TPTE: variants seen among roughly 807,000 people sequenced by gnomAD.
The protein encoded by TPTE is putative tyrosine-protein phosphatase TPTE.
TPTE carries 59 observed loss-of-function variants against 84.1 expected under a neutral mutation model. The ratio of observed to expected loss-of-function variants is 0.70; its 90% confidence interval spans 0.57 to 0.87. The LOEUF (loss-of-function observed/expected upper bound fraction) is 0.87. Among genes scored for constraint, TPTE ranks in the 40% least tolerant of loss-of-function variants. The probability of loss-of-function intolerance (pLI) is 0.00; values close to 1 mark genes in which losing one functional copy is unlikely to be tolerated. For missense variants in TPTE, 382 were observed against 659.6 expected (o/e 0.58, Z 4.61); for synonymous variants, 130 against 223.5 (o/e 0.58, Z 3.73).
Position 10,556,091 on chromosome 21 carries a change from G to A in TPTE, c.233+3375G>A, listed in dbSNP as rs550377059. 4.6e-5 allele frequency among the ~76,000 whole-genome samples: 7 copies of A among 152,412 alleles called. No homozygotes were observed. The East Asian group carries it at 1.2e-3, about 25-fold the overall frequency. The stretch of plus-strand genomic sequence containing the variant: ...AAGTTCTAGGGTGCATGTGCACAAT[G>A]TGCAGGTTTGTTACATATTCATGCA... On this transcript the variant is annotated intron_variant, in intron 8 of 23. Coordinates refer to ENST00000618007, the MANE Select transcript of TPTE (RefSeq NM_199261.4).
intron 3 of TPTE, among the ~76,000 whole-genome samples, chr21:10,535,207 A>C (rs2074246468): frequency 1.3e-5 from 2 of 152,306 alleles, no homozygotes; most frequent in African/African-American, 4.8e-5. Context: ...ATGCTTTTAT[A>C]ATTCCCCAGC....
intron 7 of TPTE, among the ~76,000 whole-genome samples, chr21:10,551,915 A>G (rs1182652797): frequency 6.6e-6 from 1 of 152,308 alleles, no homozygotes; most frequent in Non-Finnish European, 1.5e-5. Context: ...AATCAGTAAT[A>G]AAAAGGCTTT....
At chr21:10,557,789 A>G (rs2074712538) in intron 8 of TPTE, among the ~76,000 whole-genome samples, 1 of 152,302 alleles carries the variant, frequency 6.6e-6, no homozygotes, top group African/African-American at 2.4e-5. Flanking sequence ...GAGGTTTGCT[A>G]CATAGGTAAA....
At chr21:10,554,862 T>C (rs2074649265) in intron 8 of TPTE, among the ~76,000 whole-genome samples, 1 of 152,304 alleles carries the variant, frequency 6.6e-6, no homozygotes, top group Admixed American at 6.5e-5. Context: ...TCATAGTTTT[T>C]TCAGCATGAA....
chr21:10,557,777 G>C (rs1176027271), intron 8 of TPTE, among the ~76,000 whole-genome samples: 10 of 152,292 alleles, frequency 6.6e-5, no homozygotes, highest in Non-Finnish European at 1.2e-4. Context: ...GGTGGTACAC[G>C]TGAGGTTTGC....
At chr21:10,601,947 T>C (rs1484674699) in intron 21 of TPTE, 111 bp from the exon 22 acceptor site, 11 of 1,182,984 alleles carry the variant, frequency 9.3e-6, no homozygotes, top group African/African-American at 3.0e-5. Context: ...GTGATTGGGC[T>C]GTGAGACCAA....
At chr21:10,602,298 G>A (rs11184129) in intron 22 of TPTE, 148 bp downstream of exon 22, 14,129 of 974,574 alleles carry the variant, frequency 0.014, no homozygotes, top group Non-Finnish European at 0.017. Flanking sequence ...TTAAAAGAGC[G>A]TATGTAATTT....
At chr21:10,556,364 AC>A (rs1288486612) in intron 8 of TPTE, among the ~76,000 whole-genome samples, 2 of 152,310 alleles carry the variant, frequency 1.3e-5, no homozygotes, top group Non-Finnish European at 2.9e-5. Context: ...CCTACAAAGG[AC>A]ATGAACTCAT....
intron 5 of TPTE, 150 bp from the exon 6 acceptor site, chr21:10,542,245 G>A (rs1184248558): frequency 1.0e-6 from 1 of 990,898 alleles, no homozygotes; most frequent in Non-Finnish European, 1.5e-6. Context: ...CTAATAAAGA[G>A]GAAAAGACAT....
chr21:10,528,200 C>CAAA (rs3049970), intron 3 of TPTE, among the ~76,000 whole-genome samples: 12,686 of 148,082 alleles, frequency 0.086, 11 homozygotes, highest in African/African-American at 0.21. Flanking sequence ...CAATTTGAAC[C>CAAA]AAAAAAAAAA....
chr21:10,521,800 T>A (rs1448958735), intron 1 of TPTE, 106 bp downstream of exon 1: 2 of 152,348 alleles, frequency 1.3e-5, no homozygotes, highest in Non-Finnish European at 2.9e-5. Context: ...CCTCGGCGGA[T>A]GGCTGAACCC....
At chr21:10,543,728 G>A (rs2074414537) in intron 7 of TPTE, among the ~76,000 whole-genome samples, 1 of 152,310 alleles carries the variant, frequency 6.6e-6, no homozygotes, top group Non-Finnish European at 1.5e-5. Context: ...TAGTGTATTT[G>A]TCACCCTCAA....
chr21:10,523,996 G>C (rs1434223817), intron 1 of TPTE, among the ~76,000 whole-genome samples: 1 of 152,306 alleles, frequency 6.6e-6, no homozygotes, highest in Admixed American at 6.5e-5. Context: ...CATTTTCAAA[G>C]AATAGTATGT....
In TPTE at chr21:10,605,452, A is replaced by G. The variant is rs776015776; in HGVS notation, c.1556A>G (p.His519Arg). The G allele has an allele frequency of 6.2e-6, 10 of 1,614,216 alleles. No homozygotes were observed. The highest frequency in any genetic ancestry group is 1.3e-5 in the African/African-American group (1 of 75,086). The change falls in exon 24 of 24, where the codon CAT becomes CGT. Residue 519 changes from histidine (H) to arginine (R), a missense_variant. By Grantham distance (29) the His-to-Arg change is conservative (BLOSUM62 0). This residue lies in a region of TPTE where 120 missense variants were observed against 79.1 expected (regional missense o/e 1.52). Transcript: ENST00000618007. ...YLPKNELDNL[H>R]KQKARRIYPS... ...CCAAAAAATGAATTGGATAATCTAC[A>G]TAAACAAAAAGCACGGAGAATTTAT... is the stretch of plus-strand genomic sequence containing the variant.
At chr21:10,562,049 CTG>C (rs1422315351) in intron 10 of TPTE, among the ~76,000 whole-genome samples, 1 of 152,246 alleles carries the variant, frequency 6.6e-6, no homozygotes. Flanking sequence ...GAGAGAGACT[CTG>C]TTTGTTTGGG....
intron 10 of TPTE, among the ~76,000 whole-genome samples, chr21:10,564,097 T>G (rs2074864353): frequency 6.6e-6 from 1 of 152,304 alleles, no homozygotes; most frequent in African/African-American, 2.4e-5. Context: ...GAGGTTGCAG[T>G]GAGCCGAGAT....
At chr21:10,582,785 G>T (rs1470117427) in intron 17 of TPTE, among the ~76,000 whole-genome samples, 13 of 152,244 alleles carry the variant, frequency 8.5e-5, no homozygotes, top group African/African-American at 2.7e-4. Flanking sequence ...CCAGGCTGGA[G>T]TGCAGTGACA....
intron 2 of TPTE, among the ~76,000 whole-genome samples, chr21:10,526,439 C>G (rs2074080423): frequency 6.6e-6 from 1 of 152,306 alleles, no homozygotes. Flanking sequence ...ATATTGTTTC[C>G]AAAATGTGTT....
chr21:10,535,449 A>T (rs2074250846), intron 3 of TPTE, among the ~76,000 whole-genome samples: 2 of 152,310 alleles, frequency 1.3e-5, no homozygotes, highest in Non-Finnish European at 2.9e-5. Context: ...TATCTTTGAC[A>T]CTATGTCTAA....
Sources: allele counts gnomAD v4.1 joint callset (sites outside exome capture counted in the v4.1 genomes callset), GRCh38; gene constraint gnomAD v4.1.1; regional missense constraint gnomAD v4.1.1; transcripts MANE v1.5; gene names NCBI Gene and HGNC (gene_info 2026-07-23, HGNC 2026-07-21).